SH3RF3: variants seen among roughly 807,000 people sequenced by gnomAD.
SH3RF3 encodes the protein SH3 domain containing ring finger 3, also known as E3 ubiquitin-protein ligase SH3RF3.
SH3RF3 carries 29 observed loss-of-function variants against 66.3 expected under a neutral mutation model. The ratio of observed to expected loss-of-function variants is 0.44; its 90% CI spans 0.33 to 0.60. The LOEUF is 0.60. Ranked by LOEUF, SH3RF3 falls within the 20% of genes least tolerant of loss-of-function variation. The pLI is 0.04. For synonymous variants in SH3RF3, 583 were observed against 532.0 expected, an observed-to-expected ratio of 1.10 and a Z score of -1.32; for missense variants, 1,194 against 1,190.9, an observed-to-expected ratio of 1.00 and a Z score of -0.04.
chr2:109,484,412 C>T (rs548592662), intron 8 of SH3RF3, among the ~76,000 whole-genome samples: 54 of 152,224 alleles, frequency 3.5e-4, no homozygotes, highest in Non-Finnish European at 6.3e-4. Context: ...ACCCTTGGCC[C>T]ATCCACACTC....
rs1676642052 is a variant in SH3RF3 at position 109,129,828 on chromosome 2, G to A, written c.288G>A (p.Glu96=). The change falls in exon 1 of 10, where the codon GAG becomes GAA. Residue 96 remains glutamate (E), a synonymous_variant. Coordinates refer to ENST00000309415, the MANE Select transcript of SH3RF3 (RefSeq NM_001099289.3). The part of the protein sequence containing the change: ...VCSRHELRCP[E]CRILVGCGVD... ...CGCGCCACGAGCTGCGCTGCCCCGAGTGCCGCATCCTGGTGGGCTGCGGCG... is the reference window on the plus strand; with the variant it reads ...CGCGCCACGAGCTGCGCTGCCCCGAATGCCGCATCCTGGTGGGCTGCGGCG... The A allele has an allele frequency of 2.0e-6, 3 of 1,536,856 alleles. No individual in the cohort carries two copies. The African/African-American group carries it at 4.1e-5, about 21-fold the overall frequency.
At chr2:109,429,359 C>T (rs1677126356) in intron 5 of SH3RF3, among the ~76,000 whole-genome samples, 1 of 152,130 alleles carries the variant, frequency 6.6e-6, no homozygotes, top group Admixed American at 6.5e-5. Context: ...TGAAGCTAGG[C>T]TTATTTACAT....
chr2:109,466,530 G>A (rs553585769), intron 8 of SH3RF3, among the ~76,000 whole-genome samples: 8 of 152,134 alleles, frequency 5.3e-5, no homozygotes, highest in Non-Finnish European at 1.0e-4. Flanking sequence ...TCTGTGACTT[G>A]TTTTCTCATT....
chr2:109,167,697 G>A (rs1376020728), intron 1 of SH3RF3, among the ~76,000 whole-genome samples: 5 of 152,070 alleles, frequency 3.3e-5, no homozygotes, highest in Admixed American at 6.6e-5. Flanking sequence ...TCAGCCTCCC[G>A]AGTAGCTGGG....
chr2:109,211,632 C>G (rs959835978), intron 1 of SH3RF3, among the ~76,000 whole-genome samples: 1 of 150,230 alleles, frequency 6.7e-6, no homozygotes, highest in Admixed American at 6.7e-5. Context: ...CCCTTCGGCC[C>G]TTCCTGCATT....
intron 3 of SH3RF3, among the ~76,000 whole-genome samples, chr2:109,387,462 T>G (rs1675853189): frequency 6.6e-6 from 1 of 152,186 alleles, no homozygotes; most frequent in South Asian, 2.1e-4. Context: ...TCTGGCCTTC[T>G]TGCTTTTCCT....
chr2:109,409,942 A>G (rs1676543151), intron 4 of SH3RF3, among the ~76,000 whole-genome samples: 1 of 152,144 alleles, frequency 6.6e-6, no homozygotes, highest in Non-Finnish European at 1.5e-5. Context: ...AAACATTTAA[A>G]TGAGGAGATG....
rs902330438 is a variant in SH3RF3 at position 109,129,215 on chromosome 2, T to C, written c.-326T>C. On this transcript the variant is annotated 5_prime_UTR_variant, in exon 1 of 10. Coordinates refer to ENST00000309415, the MANE Select transcript of SH3RF3 (RefSeq NM_001099289.3). ...GCCGCCGCTTGCAGCACAGAACCCG[T>C]TGAGCTTCGTGCCCGGCAGCACCCC... 3.1e-5 allele frequency: 16 copies of C among 515,880 alleles called. No homozygotes were observed. In the East Asian group the frequency reaches 3.3e-4, roughly 11 times the overall value. The allele number at this position is 515,880 out of a possible 1,614,324, so 32.0% of individuals were successfully genotyped here. A position where few individuals can be genotyped will look rare whatever the true frequency, so the allele number is the denominator to read the frequency against.
chr2:109,201,577 A>G (rs1056549502), intron 1 of SH3RF3, among the ~76,000 whole-genome samples: 1 of 151,924 alleles, frequency 6.6e-6, no homozygotes, highest in Non-Finnish European at 1.5e-5. Flanking sequence ...TTCAGTTTTG[A>G]GGTCTCTGAA....
chr2:109,159,553 T>A (rs1228318228), intron 1 of SH3RF3, among the ~76,000 whole-genome samples: 2 of 152,236 alleles, frequency 1.3e-5, no homozygotes, highest in African/African-American at 4.8e-5. Context: ...TGAGTACAGT[T>A]GAGAAATCTG....
At chr2:109,335,959 C>T (rs952750332) in intron 1 of SH3RF3, among the ~76,000 whole-genome samples, 2 of 152,082 alleles carry the variant, frequency 1.3e-5, no homozygotes, top group African/African-American at 4.8e-5. Context: ...TGGGATATGT[C>T]GGTGAGACTG....
chr2:109,191,524 G>T (rs935133269), intron 1 of SH3RF3, among the ~76,000 whole-genome samples: 1 of 152,222 alleles, frequency 6.6e-6, no homozygotes, highest in Non-Finnish European at 1.5e-5. Context: ...AAGGGGTAGG[G>T]TGCCCCTCCT....
intron 1 of SH3RF3, among the ~76,000 whole-genome samples, chr2:109,230,045 C>T (rs1300482755): frequency 3.3e-5 from 5 of 151,754 alleles, no homozygotes; most frequent in South Asian, 2.1e-4. Context: ...AGGATGGTCT[C>T]GATCTCTTGA....
intron 2 of SH3RF3, among the ~76,000 whole-genome samples, chr2:109,361,143 G>T (rs1469538046): frequency 6.6e-6 from 1 of 152,162 alleles, no homozygotes; most frequent in Non-Finnish European, 1.5e-5. Flanking sequence ...ATTTTTAGAT[G>T]TTGAGCCAGC....
intron 6 of SH3RF3, among the ~76,000 whole-genome samples, chr2:109,434,244 C>G (rs1260895309): frequency 6.6e-6 from 1 of 152,250 alleles, no homozygotes; most frequent in Non-Finnish European, 1.5e-5. Context: ...GCCCGCCCTG[C>G]TGGGGGACAT....
At chr2:109,343,682 AG>A (rs1432925228) in intron 1 of SH3RF3, among the ~76,000 whole-genome samples, 1 of 150,970 alleles carries the variant, frequency 6.6e-6, no homozygotes, top group Non-Finnish European at 1.5e-5. Context: ...ACCTGTGGAG[AG>A]GTGGCCAGGC....
At chr2:109,375,794 C>T (rs1683368340) in intron 3 of SH3RF3, among the ~76,000 whole-genome samples, 1 of 152,250 alleles carries the variant, frequency 6.6e-6, no homozygotes, top group East Asian at 1.9e-4. Context: ...CAGGCCTCGG[C>T]CCAGCCCTCA....
intron 4 of SH3RF3, among the ~76,000 whole-genome samples, chr2:109,410,477 G>C (rs796420600): frequency 1.3e-5 from 2 of 152,336 alleles, no homozygotes; most frequent in African/African-American, 4.8e-5. Flanking sequence ...TTTACTGTTT[G>C]CTTGTGCTAA....
At chr2:109,367,487 G>A (rs1270114072) in intron 2 of SH3RF3, among the ~76,000 whole-genome samples, 1 of 151,834 alleles carries the variant, frequency 6.6e-6, no homozygotes, top group African/African-American at 2.4e-5. Context: ...TCACCATGTC[G>A]GCCAGGCTAG....
Sources: allele counts gnomAD v4.1 joint callset (sites outside exome capture counted in the v4.1 genomes callset), GRCh38; gene constraint gnomAD v4.1.1; transcripts MANE v1.5; gene names NCBI Gene and HGNC (gene_info 2026-07-23, HGNC 2026-07-21).